The following MED23 variants were observed in gnomAD, a reference collection of about 807,000 sequenced individuals.
MED23 encodes the protein mediator complex subunit 23, also known as mediator of RNA polymerase II transcription subunit 23.
MED23 carries 105 observed loss-of-function variants against 163.9 expected under a neutral mutation model. The observed-to-expected ratio is 0.64, with a 90% CI of 0.55 to 0.75. The LOEUF is 0.75. MED23 is among the 30% of genes least tolerant of loss of function. The pLI is 0.00. For synonymous variants in MED23, 561 were observed against 565.6 expected, an observed-to-expected ratio of 0.99 and a Z score of 0.12; for missense variants, 1,054 against 1,649.0, an observed-to-expected ratio of 0.64 and a Z score of 6.25.
intron 13 of MED23, 72 bp downstream of exon 13, chr6:131,606,407 G>A (rs1407851324): frequency 9.2e-6 from 14 of 1,513,604 alleles, no homozygotes; most frequent in South Asian, 5.7e-5. Context: ...CACAAACACC[G>A]AGACCAATAT....
chr6:131,605,047 C>G (rs1454766128), intron 14 of MED23, among the ~76,000 whole-genome samples, 193 bp downstream of exon 14: 1 of 152,078 alleles, frequency 6.6e-6, no homozygotes, highest in Non-Finnish European at 1.5e-5. Context: ...ACAACAATTA[C>G]TTTCTTTGGG....
chr6:131,593,984 T>A, intron 23 of MED23, 115 bp downstream of exon 23: 1 of 852,062 alleles, frequency 1.2e-6, no homozygotes, highest in South Asian at 1.7e-5. Flanking sequence ...GAAGTGATCT[T>A]AAAAAAAATT....
chr6:131,622,557 T>C (rs7747145), intron 5 of MED23, among the ~76,000 whole-genome samples: 4,083 of 152,318 alleles, frequency 0.027, 186 homozygotes, highest in African/African-American at 0.091. Flanking sequence ...CATTTATTTA[T>C]TGACTATGAA....
downstream of MED23, among the ~76,000 whole-genome samples, chr6:131,582,373 C>T (rs1562359902): frequency 6.6e-6 from 1 of 151,992 alleles, no homozygotes; most frequent in Non-Finnish European, 1.5e-5. Flanking sequence ...ATAGAGGAGC[C>T]CTGGGAAAGA....
chr6:131,589,860 TA>T (rs1347884031), intron 27 of MED23, among the ~76,000 whole-genome samples: 2 of 152,342 alleles, frequency 1.3e-5, no homozygotes, highest in Non-Finnish European at 2.9e-5. Flanking sequence ...AATCAAGAGA[TA>T]AACAATCCCC....
At chr6:131,618,649 T>A (rs1776865169) in intron 8 of MED23, 130 bp from the exon 9 acceptor site, 2 of 670,972 alleles carry the variant, frequency 3.0e-6, no homozygotes, top group South Asian at 3.5e-5. Flanking sequence ...TATAAAAATG[T>A]TTCAATGAGA....
intron 16 of MED23, 83 bp from the exon 17 acceptor site, chr6:131,602,464 C>T: frequency 7.9e-7 from 1 of 1,273,804 alleles, no homozygotes; most frequent in Non-Finnish European, 1.1e-6. Context: ...AATGGAAAAA[C>T]ATGCAATCTA....
At chr6:131,615,418 G>A in intron 10 of MED23, 5 of 1,375,856 alleles carry the variant, frequency 3.6e-6, no homozygotes, top group Non-Finnish European at 5.0e-6. Flanking sequence ...AGACAAAACA[G>A]TGACTATGAG....
intron 30 of MED23, among the ~76,000 whole-genome samples, chr6:131,576,895 G>A (rs1456689345): frequency 6.6e-6 from 1 of 152,108 alleles, no homozygotes; most frequent in Non-Finnish European, 1.5e-5. Context: ...CAGGGCATGG[G>A]GAGAATGCTC....
At chr6:131,576,526 G>A (rs1214624696) in intron 30 of MED23, 1 of 777,066 alleles carries the variant, frequency 1.3e-6, no homozygotes, top group Non-Finnish European at 2.2e-6. Flanking sequence ...TAAAAGAGAT[G>A]ATGTAAATTC....
At chr6:131,579,060 T>G in intron 30 of MED23, 1 of 1,593,450 alleles carries the variant, frequency 6.3e-7, no homozygotes, top group African/African-American at 1.3e-5. Context: ...CTACACAGAC[T>G]GATTTATAAT....
At chr6:131,605,195 G>T in intron 14 of MED23, 45 bp downstream of exon 14, 1 of 1,592,604 alleles carries the variant, frequency 6.3e-7, no homozygotes, top group East Asian at 2.2e-5. Context: ...TACTATACTC[G>T]TATCAATTCC....
At chr6:131,584,944 A>G (rs1774125757), downstream of MED23, among the ~76,000 whole-genome samples, 1 of 149,772 alleles carries the variant, frequency 6.7e-6, no homozygotes, top group Non-Finnish European at 1.5e-5. Context: ...AGTTGCAGTG[A>G]GCTTAGATCA....
In MED23 at chr6:131,615,988, TG is replaced by T; in HGVS notation, c.794del (p.Pro265HisfsTer6). ...ATACATATCTCAACAAAGCAGTCTG[TG>T]GTTCAAACAGATCCTTTAAAGAAAA... ...LLPYDKDLFE[P>X]QTALLRYVLE... On this transcript the variant is annotated frameshift_variant, in exon 10 of 29. Transcript: ENST00000368068. LOFTEE classifies it high-confidence loss of function. The T allele has an allele frequency of 6.2e-7, 1 of 1,613,162 alleles. No homozygotes were observed. Among genetic ancestry groups the T allele is most frequent in the Non-Finnish European group, 8.5e-7 (1 of 1,179,296 alleles).
downstream of MED23, chr6:131,583,249 A>G (rs1253216964): frequency 1.2e-6 from 2 of 1,600,348 alleles, no homozygotes; most frequent in East Asian, 4.5e-5. Flanking sequence ...AAGTCTTTAC[A>G]TGAAATAATG....
chr6:131,608,634 G>A (rs898322563), intron 11 of MED23, among the ~76,000 whole-genome samples: 2 of 152,066 alleles, frequency 1.3e-5, no homozygotes, highest in Non-Finnish European at 2.9e-5. Flanking sequence ...TCGAACTCCT[G>A]AACTCAAGCA....
At position 131,602,148 on chromosome 6, in the gene MED23, A is replaced by C. The variant is rs1775531202; in HGVS notation, c.2095+70T>G. On this transcript the variant is annotated intron_variant, in intron 17 of 28. Coordinates refer to ENST00000368068, the MANE Select transcript of MED23 (RefSeq NM_004830.4). Reference sequence around the variant, plus strand: ...AGTATCTTTTTAGTATGTTACAACTATAGTAATTAGTAGAATCATGGCACA... The same window carrying C: ...AGTATCTTTTTAGTATGTTACAACTCTAGTAATTAGTAGAATCATGGCACA... 2.7e-6 allele frequency: 4 copies of C among 1,499,284 alleles called. No homozygotes were observed. The South Asian group carries it at 4.5e-5, about 17-fold the overall frequency. 92.9% of individuals were successfully genotyped at this position (1,499,284 alleles called of 1,614,324 possible).
At position 131,587,253 on chromosome 6, in the gene MED23, T is replaced by C. The variant is rs1485167094; in HGVS notation, c.*426A>G. 12 of 1,036,006 alleles carry C rather than the reference T, an allele frequency of 1.2e-5. No homozygotes were observed. Among genetic ancestry groups the C allele is most frequent in the African/African-American group, 1.7e-5 (1 of 59,310 alleles). 64.2% of individuals were successfully genotyped at this position (1,036,006 alleles called of 1,614,324 possible). On this transcript the variant is annotated 3_prime_UTR_variant, in exon 29 of 29. Coordinates refer to ENST00000368068, the MANE Select transcript of MED23 (RefSeq NM_004830.4). ...TTCTGAAAATCTACCAAGAGATTTA[T>C]GTATAAAATATTTGTAATAACTGTT... is the stretch of plus-strand genomic sequence containing the variant.
At chr6:131,622,441 C>A (rs1421287611) in intron 5 of MED23, among the ~76,000 whole-genome samples, 1 of 152,156 alleles carries the variant, frequency 6.6e-6, no homozygotes, top group Non-Finnish European at 1.5e-5. Flanking sequence ...TCTCATCCAT[C>A]ACATACCTTA....
Sources: allele counts gnomAD v4.1 joint callset (sites outside exome capture counted in the v4.1 genomes callset), GRCh38; gene constraint gnomAD v4.1.1; transcripts MANE v1.5; gene names NCBI Gene and HGNC (gene_info 2026-07-23, HGNC 2026-07-21).